The following CASC3 variants were observed in gnomAD, a reference collection of about 807,000 sequenced individuals.
CASC3 encodes protein CASC3.
Under a neutral mutation model 80.5 loss-of-function variants are expected in CASC3, and 30 were observed. The ratio of observed to expected loss-of-function variants is 0.37; its 90% CI spans 0.28 to 0.51. CASC3 has a LOEUF of 0.51. Ranked by LOEUF, CASC3 falls within the 20% of genes least tolerant of loss-of-function variation. The probability of loss-of-function intolerance (pLI) is 0.94; values close to 1 mark genes in which losing one functional copy is unlikely to be tolerated. For missense variants in CASC3, 824 were observed against 922.2 expected, an observed-to-expected ratio of 0.89 and a Z score of 1.38; for synonymous variants, 312 against 333.6, an observed-to-expected ratio of 0.94 and a Z score of 0.70.
chr17:40,169,683 GA>G, intron 13 of CASC3, 21 bp downstream of exon 13: 2 of 1,061,812 alleles, frequency 1.9e-6, no homozygotes, highest in Non-Finnish European at 2.5e-6. Context: ...AACTTACTGT[GA>G]ATATTGTTAA....
chr17:40,143,309 G>C (rs1489764092), intron 3 of CASC3, among the ~76,000 whole-genome samples: 1 of 151,890 alleles, frequency 6.6e-6, no homozygotes, highest in Non-Finnish European at 1.5e-5. Flanking sequence ...AGCAGCTCAT[G>C]GTCCCGCATG....
intron 2 of CASC3, 31 bp from the exon 3 acceptor site, chr17:40,141,538 CT>C (rs1191291954): frequency 6.2e-6 from 10 of 1,606,000 alleles, no homozygotes; most frequent in African/African-American, 1.3e-5. Flanking sequence ...TTCTGGGTTT[CT>C]TTTTTTCCAC....
intron 3 of CASC3, among the ~76,000 whole-genome samples, chr17:40,143,681 T>C (rs1988779689): frequency 6.6e-6 from 1 of 151,292 alleles, no homozygotes; most frequent in Non-Finnish European, 1.5e-5. Context: ...AATACAAAAA[T>C]TAGCTGGGCG....
intron 3 of CASC3, among the ~76,000 whole-genome samples, chr17:40,157,423 C>G (rs753666373): frequency 2.6e-5 from 4 of 151,932 alleles, no homozygotes; most frequent in Non-Finnish European, 5.9e-5. Context: ...TGCCTGTAAT[C>G]CCAGCACCTC....
intron 7 of CASC3, among the ~76,000 whole-genome samples, chr17:40,165,125 G>A (rs1196873440): frequency 2.6e-5 from 4 of 150,972 alleles, no homozygotes; most frequent in South Asian, 4.2e-4. Flanking sequence ...CGGTTTCACC[G>A]TGTTAGCCAG....
At chr17:40,159,770 C>T (rs1989247890) in intron 3 of CASC3, among the ~76,000 whole-genome samples, 1 of 129,538 alleles carries the variant, frequency 7.7e-6, no homozygotes, top group African/African-American at 3.0e-5. Context: ...AGACTAGTAT[C>T]AGTGGTGCAA....
At chr17:40,143,371 G>A (rs918859942) in intron 3 of CASC3, among the ~76,000 whole-genome samples, 12 of 150,894 alleles carry the variant, frequency 8.0e-5, no homozygotes. Flanking sequence ...CCTTGAGCCT[G>A]GGAGGTGGAG....
At chr17:40,154,023 G>A (rs902936606) in intron 3 of CASC3, among the ~76,000 whole-genome samples, 2 of 150,536 alleles carry the variant, frequency 1.3e-5, no homozygotes, top group South Asian at 2.1e-4. Context: ...GCAGTGAGCC[G>A]ATTTGATTCT....
At chr17:40,168,659 C>T (rs150477424) in intron 11 of CASC3, 7 of 462,114 alleles carry the variant, frequency 1.5e-5, no homozygotes, top group African/African-American at 7.9e-5. Flanking sequence ...GGCGTGATCT[C>T]GGTTCACTGT....
chr17:40,171,511 T>G lies in CASC3; in HGVS notation c.*1106T>G. ...CCACGTCTTTCCTGCTACAAGTGTTTTAGATGTTACTACCTTATTTTCCCC... is the reference window on the plus strand; with the variant it reads ...CCACGTCTTTCCTGCTACAAGTGTTGTAGATGTTACTACCTTATTTTCCCC... On this transcript the variant is annotated 3_prime_UTR_variant, in exon 14 of 14. Transcript: ENST00000264645. The G allele has an allele frequency of 1.0e-6, 1 of 988,978 alleles. No homozygotes were observed. The highest frequency in any genetic ancestry group is 1.2e-6 in the Non-Finnish European group (1 of 831,748). The allele number at this position is 988,978 out of a possible 1,614,324, so 61.3% of individuals were successfully genotyped here.
At chr17:40,165,215 G>T (rs906737662) in intron 7 of CASC3, among the ~76,000 whole-genome samples, 8 of 151,942 alleles carry the variant, frequency 5.3e-5, no homozygotes, top group Admixed American at 5.2e-4. Flanking sequence ...GAGCCACCGT[G>T]CCTGGCCCAC....
intron 3 of CASC3, among the ~76,000 whole-genome samples, chr17:40,147,811 C>A (rs567235642): frequency 9.2e-5 from 14 of 152,168 alleles, no homozygotes; most frequent in South Asian, 2.1e-4. Context: ...GGTGGTGATA[C>A]CTGGTAAATA....
At position 40,169,390 on chromosome 17, in the gene CASC3, C is replaced by T. The variant is rs1193413214; in HGVS notation, c.2032C>T (p.Pro678Ser). 8 of 1,612,312 alleles carry T rather than the reference C, an allele frequency of 5.0e-6. No individual in the cohort carries two copies. The highest frequency in any genetic ancestry group is 6.8e-6 in the Non-Finnish European group (8 of 1,179,304). ...CGCCCAGCAGCAGGTGCAGCCAAAG[C>T]CCTCCCCACCCCGGAGGACTCCCCA... Reference protein sequence around the residue: ...NPAQQQVQPKPSPPRRTPQPV... With the variant: ...NPAQQQVQPKSSPPRRTPQPV... The change falls in exon 12 of 14, where the codon CCC becomes TCC. Residue 678 changes from proline to serine, a missense_variant. Pro to Ser is a moderately conservative substitution (Grantham distance 74). Transcript: ENST00000264645.
chr17:40,157,676 AAAAT>A (rs1176469245), intron 3 of CASC3, among the ~76,000 whole-genome samples: 1 of 152,148 alleles, frequency 6.6e-6, no homozygotes, highest in African/African-American at 2.4e-5. Flanking sequence ...CTCTGTCTCC[AAAAT>A]AAATAAATAA....
At chr17:40,163,210 C>CT (rs1223871984) in intron 6 of CASC3, among the ~76,000 whole-genome samples, 8 of 152,208 alleles carry the variant, frequency 5.3e-5, no homozygotes, top group Non-Finnish European at 1.0e-4. Flanking sequence ...TCTCGGCTCA[C>CT]TGCAACCTCC....
intron 3 of CASC3, among the ~76,000 whole-genome samples, chr17:40,146,487 T>G (rs1405531721): frequency 6.6e-6 from 1 of 151,246 alleles, no homozygotes; most frequent in Non-Finnish European, 1.5e-5. Context: ...TCTCACTCTG[T>G]CTGCAGTGGC....
In CASC3 at chr17:40,167,846, A is replaced by G. The variant is rs1387953289; in HGVS notation, c.1652-4A>G. The G allele has an allele frequency of 6.2e-7, 1 of 1,611,848 alleles. No homozygotes were observed. Among genetic ancestry groups the G allele is most frequent in the East Asian group, 2.2e-5 (1 of 44,888 alleles). ...TATGAGAGTCCCAATGTGATATCTTACAGTGCAGTTCCAGGGACCAATCTA... is the reference window on the plus strand; with the variant it reads ...TATGAGAGTCCCAATGTGATATCTTGCAGTGCAGTTCCAGGGACCAATCTA... On this transcript the variant is annotated splice_region_variant and splice_polypyrimidine_tract_variant and intron_variant, in intron 9 of 13. Transcript: ENST00000264645.
Position 40,163,786 on chromosome 17 carries a change from C to T in CASC3, c.1091C>T (p.Pro364Leu). 1 of 1,614,150 alleles carries T rather than the reference C, an allele frequency of 6.2e-7. No homozygotes were observed. ...LEQTSVRDPS[P>L]EADAPVLGSP... is the part of the protein sequence containing the mutation. The stretch of plus-strand genomic sequence containing the variant: ...CAGACTTCTGTGAGGGATCCATCTC[C>T]AGAAGCAGATGCTCCAGTGCTTGGC... Residue 364 changes from proline to leucine, a missense_variant, in exon 7 of 14, where the codon CCA becomes CTA. Transcript: ENST00000264645.
intron 3 of CASC3, among the ~76,000 whole-genome samples, chr17:40,157,350 TAAA>T (rs1989174587): frequency 3.4e-5 from 5 of 147,462 alleles, no homozygotes; most frequent in African/African-American, 1.0e-4. Context: ...CTCAAATAAA[TAAA>T]TAAATAAATA....
Sources: gnomAD v4.1 joint callset for allele counts (sites outside exome capture counted in the v4.1 genomes callset) on GRCh38, gnomAD v4.1.1 for gene constraint, MANE v1.5 for transcripts, NCBI Gene and HGNC (gene_info 2026-07-23, HGNC 2026-07-21) for gene names.